Variants in DENND2B observed in about 807,000 individuals in gnomAD.
DENND2B encodes DENN domain containing 2B, also known as DENN domain-containing protein 2B.
Under a neutral mutation model 116.0 loss-of-function variants are expected in DENND2B, and 32 were observed. The ratio of observed to expected loss-of-function variants is 0.28; its 90% CI spans 0.21 to 0.37. DENND2B has a LOEUF of 0.37. Among genes scored for constraint, DENND2B ranks in the 10% least tolerant of loss-of-function variants. The probability of loss-of-function intolerance (pLI) is 1.00; values close to 1 mark genes in which losing one functional copy is unlikely to be tolerated. For missense variants in DENND2B, 1,276 were observed against 1,477.7 expected (o/e 0.86, Z 2.24); for synonymous variants, 588 against 583.9 (o/e 1.01, Z -0.10).
intron 4 of DENND2B, among the ~76,000 whole-genome samples, chr11:8,817,771 T>G (rs973175272): frequency 6.6e-6 from 1 of 152,152 alleles, no homozygotes; most frequent in African/African-American, 2.4e-5. Flanking sequence ...TTCAGTTTCT[T>G]GGAGTCTCTG....
chr11:8,737,319 C>T (rs1417817476), intron 2 of DENND2B, among the ~76,000 whole-genome samples: 1 of 152,064 alleles, frequency 6.6e-6, no homozygotes, highest in Non-Finnish European at 1.5e-5. Context: ...GCCAAGGAGA[C>T]CGATTGAGAA....
intron 6 of DENND2B, 55 bp from the exon 7 acceptor site, chr11:8,714,761 C>A: frequency 6.8e-7 from 1 of 1,470,462 alleles, no homozygotes; most frequent in Non-Finnish European, 9.5e-7. Flanking sequence ...TGCCCTACTT[C>A]CAAGAAGGCT....
intron 2 of DENND2B, among the ~76,000 whole-genome samples, chr11:8,741,939 G>A (rs979796962): frequency 1.8e-4 from 27 of 152,306 alleles, no homozygotes; most frequent in African/African-American, 6.5e-4. Context: ...TTGCCAGGCT[G>A]CAGTGCAGTG....
intron 14 of DENND2B, among the ~76,000 whole-genome samples, chr11:8,701,643 G>A (rs1380240308): frequency 1.3e-5 from 2 of 151,966 alleles, no homozygotes; most frequent in African/African-American, 4.8e-5. Flanking sequence ...TAGTGTTCCT[G>A]CACTCATCGG....
chr11:8,753,536 T>G (rs1413199228), intron 1 of DENND2B, among the ~76,000 whole-genome samples: 1 of 152,184 alleles, frequency 6.6e-6, no homozygotes, highest in African/African-American at 2.4e-5. Context: ...GCCAGCTAGC[T>G]TCTTTTCAGA....
chr11:8,820,442 T>A (rs2061718440), intron 4 of DENND2B, among the ~76,000 whole-genome samples: 1 of 152,224 alleles, frequency 6.6e-6, no homozygotes, highest in Non-Finnish European at 1.5e-5. Context: ...TTCCTAAGTA[T>A]GCAGAATAAA....
chr11:8,887,892 C>A (rs1238142799), intron 1 of DENND2B, among the ~76,000 whole-genome samples: 1 of 152,198 alleles, frequency 6.6e-6, no homozygotes, highest in Non-Finnish European at 1.5e-5. Flanking sequence ...CAGTATACAC[C>A]CAATCTGCCC....
At chr11:8,716,156 T>C (rs1298217403) in intron 5 of DENND2B, among the ~76,000 whole-genome samples, 4 of 152,220 alleles carry the variant, frequency 2.6e-5, no homozygotes, top group African/African-American at 4.8e-5. Context: ...TTACTGGGCC[T>C]GGGTGATGGA....
At chr11:8,763,136 G>T (rs893765982) in intron 1 of DENND2B, among the ~76,000 whole-genome samples, 2 of 152,064 alleles carry the variant, frequency 1.3e-5, no homozygotes, top group Non-Finnish European at 2.9e-5. Flanking sequence ...TATATGAAAA[G>T]GTATCCAACT....
chr11:8,736,567 T>C (rs10769947), intron 2 of DENND2B, among the ~76,000 whole-genome samples: 56,483 of 152,030 alleles, frequency 0.37, 11,718 homozygotes, highest in Non-Finnish European at 0.45. Context: ...GATGAGTTGC[T>C]GTTTTACATA....
At chr11:8,873,938 T>C (rs1257244476), upstream of DENND2B, among the ~76,000 whole-genome samples, 1 of 152,164 alleles carries the variant, frequency 6.6e-6, no homozygotes, top group Non-Finnish European at 1.5e-5. Flanking sequence ...TCACAGCATA[T>C]ATTGAGAAAT....
chr11:8,883,698 CA>C (rs753043619), intron 1 of DENND2B, among the ~76,000 whole-genome samples: 1 of 152,098 alleles, frequency 6.6e-6, no homozygotes, highest in Non-Finnish European at 1.5e-5. Context: ...ACTTGCTGAA[CA>C]AAGAATACAA....
intron 2 of DENND2B, among the ~76,000 whole-genome samples, chr11:8,877,761 T>A (rs1463668298): frequency 6.6e-6 from 1 of 152,190 alleles, no homozygotes; most frequent in African/African-American, 2.4e-5. Context: ...CAGAAATCCA[T>A]AGTTCCCCCC....
At chr11:8,744,335 T>C (rs1420949878) in intron 2 of DENND2B, among the ~76,000 whole-genome samples, 1 of 152,050 alleles carries the variant, frequency 6.6e-6, no homozygotes, top group Non-Finnish European at 1.5e-5. Flanking sequence ...GGTTTCTCCA[T>C]GTTGGTCAGG....
intron 1 of DENND2B, among the ~76,000 whole-genome samples, chr11:8,902,381 G>A (rs913767463): frequency 6.6e-6 from 1 of 151,430 alleles, no homozygotes; most frequent in Non-Finnish European, 1.5e-5. Flanking sequence ...CTGTTGAATT[G>A]TCTATTTCTT....
rs1017125755 is a variant in DENND2B, at chr11:8,696,710, G to A, written c.3053-44C>T. The A allele has an allele frequency of 8.7e-6, 14 of 1,602,070 alleles. No homozygotes were observed. In the African/African-American group the frequency reaches 1.3e-4, roughly 15 times the overall value. On this transcript the variant is annotated intron_variant, in intron 17 of 19. Transcript: ENST00000313726. Reference sequence around the variant, plus strand: ...TCTTTGAGGTTCAGGTCAAGAGCCTGCAAAGCCTTCCTCAATCTTCCTGGT... The same window carrying A: ...TCTTTGAGGTTCAGGTCAAGAGCCTACAAAGCCTTCCTCAATCTTCCTGGT...
At chr11:8,734,456 A>G (rs555448784) in intron 2 of DENND2B, among the ~76,000 whole-genome samples, 1 of 152,224 alleles carries the variant, frequency 6.6e-6, no homozygotes, top group African/African-American at 2.4e-5. Context: ...TCTCTCCCTA[A>G]GCCTCAGTTT....
chr11:8,774,008 T>G (rs1303858888), intron 1 of DENND2B: 1 of 620,934 alleles, frequency 1.6e-6, no homozygotes, highest in Non-Finnish European at 2.0e-6. Context: ...GCTTTGGATG[T>G]GTTGCCTACC....
intron 1 of DENND2B, among the ~76,000 whole-genome samples, chr11:8,799,104 G>A (rs1270200831): frequency 1.3e-5 from 2 of 152,180 alleles, no homozygotes; most frequent in South Asian, 4.1e-4. Context: ...TTACAGGCCT[G>A]AGCCATTGCA....
Sources: allele counts gnomAD v4.1 joint callset (sites outside exome capture counted in the v4.1 genomes callset), GRCh38; gene constraint gnomAD v4.1.1; transcripts MANE v1.5; gene names NCBI Gene and HGNC (gene_info 2026-07-23, HGNC 2026-07-21).